SCN9A: variants seen among roughly 807,000 people sequenced by gnomAD.
The protein encoded by SCN9A is sodium voltage-gated channel alpha subunit 9, also known as sodium channel protein type 9 subunit alpha.
Under a neutral mutation model 187.0 loss-of-function variants are expected in SCN9A, and 131 were observed. The observed-to-expected ratio is 0.70, with a 90% CI of 0.61 to 0.81. The LOEUF (loss-of-function observed/expected upper bound fraction) is 0.81, where lower values mean the gene tolerates loss of function less well. Ranked by LOEUF, SCN9A falls within the 30% of genes least tolerant of loss-of-function variation. The probability of loss-of-function intolerance (pLI) is 0.00; values close to 1 mark genes in which losing one functional copy is unlikely to be tolerated. For synonymous variants in SCN9A, 809 were observed against 808.6 expected (o/e 1.00, Z -0.01); for missense variants, 2,252 against 2,396.6 (o/e 0.94, Z 1.26).
intron 14 of SCN9A, among the ~76,000 whole-genome samples, chr2:166,279,942 A>G (rs1697404183): frequency 6.6e-6 from 1 of 152,156 alleles, no homozygotes; most frequent in African/African-American, 2.4e-5. Context: ...TGGGACTCTG[A>G]GGACCCAAAC....
At position 166,351,101 on chromosome 2, in the gene SCN9A, T is replaced by TA. The variant is rs199753578; in HGVS notation, c.-51+24595dup. Reference sequence around the variant, plus strand: ...ACTTAAGACATTCATATCTAAGTTTTAAAAAAATCTGATTTGGCGACACAA... The same window carrying TA: ...ACTTAAGACATTCATATCTAAGTTTTAAAAAAAATCTGATTTGGCGACACAA... On this transcript the variant is annotated intron_variant, in intron 1 of 26. Transcript: ENST00000642356. 5.8e-3 allele frequency among the ~76,000 whole-genome samples: 875 copies of TA among 152,134 alleles called. 4 individuals are homozygous for TA. Among genetic ancestry groups the TA allele is most frequent in the Non-Finnish European group, 7.4e-3 (505 of 67,986 alleles).
At chr2:166,375,347 A>T (rs967245581) in intron 1 of SCN9A, among the ~76,000 whole-genome samples, 18 of 152,166 alleles carry the variant, frequency 1.2e-4, no homozygotes, top group African/African-American at 4.1e-4. Flanking sequence ...ATTGAAGTCC[A>T]TCTAACAACT....
chr2:166,239,839 G>C (rs573601357), intron 19 of SCN9A, among the ~76,000 whole-genome samples: 1 of 152,312 alleles, frequency 6.6e-6, no homozygotes, highest in African/African-American at 2.4e-5. Context: ...CTCTCTGACT[G>C]GTCCCAGAGC....
chr2:166,293,351 G>A lies in SCN9A; in HGVS notation c.987C>T (p.Thr329=), dbSNP rs769158738. 6.2e-7 allele frequency: 1 copy of A among 1,609,422 alleles called. No homozygotes were observed. The highest frequency in any genetic ancestry group is 8.5e-7 in the Non-Finnish European group (1 of 1,177,804). ...TDSGQCPEGY[T]CVKIGRNPDY... is the part of the protein sequence containing the mutation. ...CAGGGTTTCTGCCAATTTTCACACA[G>A]GTGTACCCCTCTGGACACTGACTAC... Residue 329 remains threonine, a synonymous_variant, in exon 9 of 27, where the codon ACC becomes ACT. Transcript: ENST00000642356.
rs1298581187 is a variant in SCN9A, at chr2:166,195,569, T to C, written c.*3103A>G. 6.6e-6 allele frequency: 1 copy of C among 152,204 alleles called. No individual in the cohort carries two copies. Among genetic ancestry groups the C allele is most frequent in the Non-Finnish European group, 1.5e-5 (1 of 68,034 alleles). 9.4% of individuals were successfully genotyped at this position (152,204 alleles called of 1,614,324 possible). A position where few individuals can be genotyped will look rare whatever the true frequency, so the allele number is the denominator to read the frequency against. On this transcript the variant is annotated 3_prime_UTR_variant, in exon 27 of 27. Coordinates refer to ENST00000642356, the MANE Select transcript of SCN9A (RefSeq NM_001365536.1). ...TATTTAGAACTGCTTTATTTACATATGCATTTTATTTTCACTCTTTTTAAT... is the reference window on the plus strand; with the variant it reads ...TATTTAGAACTGCTTTATTTACATACGCATTTTATTTTCACTCTTTTTAAT...
chr2:166,363,959 C>A (rs1180168044), intron 1 of SCN9A, among the ~76,000 whole-genome samples: 1 of 151,876 alleles, frequency 6.6e-6, no homozygotes, highest in East Asian at 1.9e-4. Flanking sequence ...AAGGGATTAA[C>A]ATTGGCAATA....
At chr2:166,225,903 A>G (rs527504342) in intron 24 of SCN9A, among the ~76,000 whole-genome samples, 32 of 152,260 alleles carry the variant, frequency 2.1e-4, no homozygotes, top group Non-Finnish European at 2.9e-4. Context: ...TAAAGAGAAC[A>G]TGGACCTGCT....
At chr2:166,240,624 T>C (rs954152617) in intron 19 of SCN9A, among the ~76,000 whole-genome samples, 3 of 152,182 alleles carry the variant, frequency 2.0e-5, no homozygotes, top group Non-Finnish European at 4.4e-5. Flanking sequence ...GTAGACACTA[T>C]CATGATTTCT....
intron 21 of SCN9A, among the ~76,000 whole-genome samples, chr2:166,231,036 G>A (rs1031374530): frequency 2.0e-5 from 3 of 152,158 alleles, no homozygotes; most frequent in Non-Finnish European, 4.4e-5. Context: ...GTTAACAAAT[G>A]TAACTAAATA....
chr2:166,348,042 C>T (rs1699944252), intron 1 of SCN9A, among the ~76,000 whole-genome samples: 1 of 152,154 alleles, frequency 6.6e-6, no homozygotes, highest in Non-Finnish European at 1.5e-5. Flanking sequence ...AACCTTTTTC[C>T]TATGGCAAGA....
chr2:166,215,137 A>C (rs2106365506), intron 24 of SCN9A, among the ~76,000 whole-genome samples: 1 of 152,360 alleles, frequency 6.6e-6, no homozygotes. Flanking sequence ...AGAAGTCAAT[A>C]AGAATAACCT....
chr2:166,258,894 G>A (rs1345105919), intron 17 of SCN9A, among the ~76,000 whole-genome samples: 1 of 151,608 alleles, frequency 6.6e-6, no homozygotes, highest in East Asian at 1.9e-4. Flanking sequence ...AGTTGATAGA[G>A]GTTTTCAAAT....
At chr2:166,219,112 G>A (rs1166334891) in intron 24 of SCN9A, among the ~76,000 whole-genome samples, 1 of 152,154 alleles carries the variant, frequency 6.6e-6, no homozygotes, top group Non-Finnish European at 1.5e-5. Flanking sequence ...CCTACACACT[G>A]TTGATGGGAG....
At chr2:166,324,478 C>T (rs1233963449) in intron 1 of SCN9A, among the ~76,000 whole-genome samples, 1 of 152,094 alleles carries the variant, frequency 6.6e-6, no homozygotes, top group Non-Finnish European at 1.5e-5. Context: ...GAAAATGTCA[C>T]TTCTCTAGAA....
chr2:166,269,567 G>A lies in SCN9A; in HGVS notation c.3351+2832C>T, dbSNP rs143083611. ...ACTCTATAACTCTAGATTTATAACT[G>A]TATAACTCTAGCTTTATAACTGTGA... On this transcript the variant is annotated intron_variant, in intron 17 of 26. Transcript: ENST00000642356. Among the ~76,000 whole-genome samples, 257 of 152,118 alleles carry A rather than the reference G, an allele frequency of 1.7e-3. 1 individual carries two copies. The highest frequency in any genetic ancestry group is 5.9e-3 in the African/African-American group (247 of 41,524).
At position 166,304,325 on chromosome 2, in the gene SCN9A, A is replaced by C. The variant is rs80356465; in HGVS notation, c.601T>G (p.Leu201Val). Residue 201 changes from leucine (L) to valine (V), a missense_variant, in exon 6 of 27, where the codon TTA (leucine) becomes GTA (valine). Around this residue, in one of 7 missense-constraint regions of SCN9A, gnomAD observed 1,013 missense variants for 997.4 expected, o/e 1.02. Coordinates refer to ENST00000642356, the MANE Select transcript of SCN9A (RefSeq NM_001365536.1). ...LDFVVIVFAYLTEFVNLGNVS... is the reference protein window; with the variant it reads ...LDFVVIVFAYVTEFVNLGNVS... The stretch of plus-strand genomic sequence containing the variant: ...TTGCCTAGGTTTACAAATTCTGTTA[A>C]ATACCTGTAGAATTAAATCAGAATT... 2.3e-5 allele frequency: 37 copies of C among 1,610,790 alleles called. No individual in the cohort carries two copies. The highest frequency in any genetic ancestry group is 3.3e-5 in the Admixed American group (2 of 59,934).
At chr2:166,247,369 A>G (rs1028439350) in intron 18 of SCN9A, among the ~76,000 whole-genome samples, 3 of 152,116 alleles carry the variant, frequency 2.0e-5, no homozygotes, top group Non-Finnish European at 4.4e-5. Flanking sequence ...GAAAGAAAAA[A>G]TAAAAGTCAC....
intron 18 of SCN9A, among the ~76,000 whole-genome samples, chr2:166,244,794 T>C (rs368722550): frequency 2.6e-5 from 4 of 152,022 alleles, no homozygotes; most frequent in South Asian, 2.1e-4. Context: ...CATTTAGCAA[T>C]TTCACATCAG....
chr2:166,278,042 C>A, intron 15 of SCN9A, 98 bp downstream of exon 15: 1 of 938,600 alleles, frequency 1.1e-6, no homozygotes, highest in Admixed American at 2.7e-5. Context: ...ATAATCTTGC[C>A]TTTTGATTCA....
Sources: allele counts gnomAD v4.1 joint callset (sites outside exome capture counted in the v4.1 genomes callset), GRCh38; gene constraint gnomAD v4.1.1; regional missense constraint gnomAD v4.1.1; transcripts MANE v1.5; gene names NCBI Gene and HGNC (gene_info 2026-07-23, HGNC 2026-07-21).